Variants in GMDS observed in about 807,000 individuals in gnomAD.
GMDS encodes the protein GDP-mannose 4,6 dehydratase.
GMDS carries 20 observed loss-of-function variants against 49.9 expected under a neutral mutation model. The observed-to-expected ratio is 0.40, with a 90% CI of 0.28 to 0.58. GMDS has a LOEUF of 0.58. GMDS is among the 20% of genes least tolerant of loss of function. The probability of loss-of-function intolerance (pLI) is 0.42; values close to 1 mark genes in which losing one functional copy is unlikely to be tolerated. For missense variants in GMDS, 362 were observed against 481.4 expected, an observed-to-expected ratio of 0.75 and a Z score of 2.32; for synonymous variants, 177 against 178.6, an observed-to-expected ratio of 0.99 and a Z score of 0.07.
intron 9 of GMDS, among the ~76,000 whole-genome samples, chr6:1,655,546 C>T (rs189980385): frequency 7.7e-4 from 116 of 150,956 alleles, no homozygotes; most frequent in African/African-American, 2.8e-3. Flanking sequence ...GACGGAGTCT[C>T]GCTCTGTTGC....
chr6:1,721,665 T>G (rs1473793333), intron 9 of GMDS, among the ~76,000 whole-genome samples: 1 of 152,202 alleles, frequency 6.6e-6, no homozygotes, highest in Non-Finnish European at 1.5e-5. Context: ...GTTTTGCTTT[T>G]TTAGTGGATT....
At chr6:2,065,157 G>A (rs557726439) in intron 4 of GMDS, among the ~76,000 whole-genome samples, 3 of 152,224 alleles carry the variant, frequency 2.0e-5, no homozygotes, top group African/African-American at 4.8e-5. Context: ...CCCCCAGCAG[G>A]GGCAGACTGA....
chr6:1,904,313 C>G (rs1274326964), intron 7 of GMDS, among the ~76,000 whole-genome samples: 1 of 152,038 alleles, frequency 6.6e-6, no homozygotes, highest in Non-Finnish European at 1.5e-5. Context: ...AAGGAGGAAA[C>G]CCTGGGGGCC....
At chr6:1,907,586 A>G (rs1760839608) in intron 7 of GMDS, among the ~76,000 whole-genome samples, 1 of 152,190 alleles carries the variant, frequency 6.6e-6, no homozygotes, top group African/African-American at 2.4e-5. Flanking sequence ...TCTCTGTTTT[A>G]TGACATGGTG....
At chr6:1,770,067 G>A (rs932776859) in intron 7 of GMDS, among the ~76,000 whole-genome samples, 2 of 152,186 alleles carry the variant, frequency 1.3e-5, no homozygotes, top group African/African-American at 2.4e-5. Flanking sequence ...TGTTATGAAT[G>A]CTAACTAAAA....
chr6:2,097,962 T>C (rs963144513), intron 4 of GMDS, among the ~76,000 whole-genome samples: 1 of 151,418 alleles, frequency 6.6e-6, no homozygotes, highest in Admixed American at 6.6e-5. Context: ...TACCAAAGCA[T>C]GTGAAAACAA....
At chr6:2,119,347 T>C (rs575004272) in intron 2 of GMDS, among the ~76,000 whole-genome samples, 3 of 152,322 alleles carry the variant, frequency 2.0e-5, no homozygotes, top group African/African-American at 7.2e-5. Flanking sequence ...ACCAAGACTT[T>C]ACTGTCACAT....
At chr6:1,957,593 A>G (rs574989188) in intron 6 of GMDS, among the ~76,000 whole-genome samples, 34 of 152,346 alleles carry the variant, frequency 2.2e-4, no homozygotes, top group African/African-American at 7.5e-4. Context: ...GTTGAGGTCA[A>G]GTTCCTAAAG....
At chr6:1,647,759 C>G (rs1763530965) in intron 9 of GMDS, among the ~76,000 whole-genome samples, 1 of 152,214 alleles carries the variant, frequency 6.6e-6, no homozygotes. Flanking sequence ...CCTGAGGAAT[C>G]TCGGACACAT....
intron 7 of GMDS, among the ~76,000 whole-genome samples, chr6:1,925,286 T>G (rs1254929415): frequency 6.6e-6 from 1 of 152,246 alleles, no homozygotes; most frequent in Non-Finnish European, 1.5e-5. Flanking sequence ...TTCTTCAAGT[T>G]GAAATACTTC....
intron 1 of GMDS, among the ~76,000 whole-genome samples, chr6:2,243,444 A>G (rs1781709594): frequency 6.6e-6 from 1 of 152,222 alleles, no homozygotes; most frequent in African/African-American, 2.4e-5. Context: ...ATCTTAACTA[A>G]TTTCCGGACA....
At chr6:1,760,415 T>A (rs915648422) in intron 7 of GMDS, among the ~76,000 whole-genome samples, 1 of 152,166 alleles carries the variant, frequency 6.6e-6, no homozygotes, top group African/African-American at 2.4e-5. Flanking sequence ...GATGGCCACT[T>A]GCCCAGCCAG....
At chr6:1,744,947 G>A (rs942167600) in intron 7 of GMDS, among the ~76,000 whole-genome samples, 5 of 152,246 alleles carry the variant, frequency 3.3e-5, no homozygotes, top group African/African-American at 1.2e-4. Context: ...ACCCAAGTGG[G>A]CGCACGAGTG....
At chr6:2,057,560 T>A (rs1322581105) in intron 4 of GMDS, among the ~76,000 whole-genome samples, 3 of 152,202 alleles carry the variant, frequency 2.0e-5, no homozygotes, top group Non-Finnish European at 2.9e-5. Flanking sequence ...ATTCCACCAA[T>A]ATCTATTCTC....
chr6:1,961,376 GAGA>G (rs759339274), intron 4 of GMDS, among the ~76,000 whole-genome samples: 4 of 152,184 alleles, frequency 2.6e-5, no homozygotes, highest in Non-Finnish European at 5.9e-5. Flanking sequence ...TTTATGTACA[GAGA>G]AGTTTTGGAA....
intron 4 of GMDS, among the ~76,000 whole-genome samples, chr6:1,974,805 C>A (rs1237143380): frequency 6.7e-6 from 1 of 149,706 alleles, no homozygotes; most frequent in Non-Finnish European, 1.5e-5. Context: ...CCGAGGCGGG[C>A]AGATCACCTG....
At chr6:2,059,266 T>C (rs1452927729) in intron 4 of GMDS, among the ~76,000 whole-genome samples, 1 of 151,258 alleles carries the variant, frequency 6.6e-6, no homozygotes, top group Non-Finnish European at 1.5e-5. Context: ...AAATATGTAA[T>C]TTATTTGAAC....
intron 4 of GMDS, among the ~76,000 whole-genome samples, chr6:1,972,795 G>C (rs776189735): frequency 2.6e-5 from 4 of 152,196 alleles, no homozygotes; most frequent in Non-Finnish European, 5.9e-5. Context: ...CACTGCTTAA[G>C]TTCCAATGTT....
At chr6:1,938,224 C>G (rs917931146) in intron 6 of GMDS, among the ~76,000 whole-genome samples, 9 of 152,198 alleles carry the variant, frequency 5.9e-5, no homozygotes, top group African/African-American at 2.2e-4. Context: ...ATTTAAATAG[C>G]TCCCTGGGTC....
Sources: allele counts gnomAD v4.1 joint callset (sites outside exome capture counted in the v4.1 genomes callset), GRCh38; gene constraint gnomAD v4.1.1; transcripts MANE v1.5; gene names NCBI Gene and HGNC (gene_info 2026-07-23, HGNC 2026-07-21).